The following SLC22A2 variants were observed in gnomAD, a reference collection of about 807,000 sequenced individuals.
SLC22A2 encodes organic cation transporter 2.
SLC22A2 carries 46 observed loss-of-function variants against 60.5 expected under a neutral mutation model. That is an observed-to-expected ratio of 0.76 (90% CI 0.60 to 0.97). The LOEUF (loss-of-function observed/expected upper bound fraction) is 0.97. Ranked by LOEUF, SLC22A2 falls within the 50% of genes least tolerant of loss-of-function variation. SLC22A2 has a pLI of 0.00. For synonymous variants in SLC22A2, 303 were observed against 267.0 expected (o/e 1.13, Z -1.31); for missense variants, 701 against 706.6 (o/e 0.99, Z 0.09).
At chr6:160,247,336 A>G in intron 4 of SLC22A2, 38 bp from the exon 5 acceptor site, 1 of 1,064,324 alleles carries the variant, frequency 9.4e-7, no homozygotes, top group Non-Finnish European at 1.5e-6. Flanking sequence ...CTCTTACTGA[A>G]TCCTCCTTAC....
chr6:160,233,096 C>G (rs939303694), intron 9 of SLC22A2, among the ~76,000 whole-genome samples: 35 of 152,032 alleles, frequency 2.3e-4, no homozygotes, highest in African/African-American at 6.8e-4. Context: ...CTCAGGCCCC[C>G]TCCCTTCTCT....
intron 10 of SLC22A2, among the ~76,000 whole-genome samples, chr6:160,221,236 C>T (rs147973153): frequency 2.6e-5 from 4 of 152,350 alleles, no homozygotes; most frequent in African/African-American, 4.8e-5. Context: ...ATGGAGATGG[C>T]TTCTTTCCTT....
In SLC22A2 at chr6:160,217,210, G is replaced by A; in HGVS notation, c.*222C>T. The A allele has an allele frequency of 2.6e-6, 1 of 390,744 alleles. No individual in the cohort carries two copies. 24.2% of individuals were successfully genotyped at this position (390,744 alleles called of 1,614,324 possible). On this transcript the variant is annotated 3_prime_UTR_variant, in exon 11 of 11. Transcript: ENST00000366953. ...AGAAAACCAATGTCCAATGTCCTAG[G>A]AATGCTGAGAATAAAGTGAGCTGGA...
intron 2 of SLC22A2, among the ~76,000 whole-genome samples, chr6:160,252,366 A>G (rs1160611758): frequency 2.0e-5 from 3 of 152,352 alleles, no homozygotes; most frequent in Admixed American, 6.5e-5. Flanking sequence ...GATGAGAGGG[A>G]ATATTCATCA....
Position 160,249,382 on chromosome 6 carries a change from T to A in SLC22A2, c.676A>T (p.Thr226Ser), listed in dbSNP as rs1308546393. 8 of 1,612,700 alleles carry A rather than the reference T, an allele frequency of 5.0e-6. No individual in the cohort carries two copies. The highest frequency in any genetic ancestry group is 1.3e-5 in the African/African-American group (1 of 74,878). ...AGWLIGYILI[T>S]EFVGRRYRRT... ...CGATATCTCCGCCCAACAAATTCTG[T>A]AACTGCAGAGAGAATTTGAATGGTT... The change falls in exon 4 of 11, where the codon ACA becomes TCA. Residue 226 changes from threonine to serine, a missense_variant and splice_region_variant. Physicochemically the swap from Thr to Ser is moderately conservative, Grantham distance 58 (BLOSUM62 1). Coordinates refer to ENST00000366953, the MANE Select transcript of SLC22A2 (RefSeq NM_003058.4).
chr6:160,247,054 T>C, intron 5 of SLC22A2, 130 bp downstream of exon 5: 2 of 609,748 alleles, frequency 3.3e-6, no homozygotes, highest in East Asian at 2.8e-5. Context: ...TGCATTCCGC[T>C]ACAGGTAAGC....
intron 4 of SLC22A2, among the ~76,000 whole-genome samples, chr6:160,248,081 A>T (rs1783124734): frequency 6.6e-6 from 1 of 152,224 alleles, no homozygotes; most frequent in South Asian, 2.1e-4. Flanking sequence ...CTCAGGGTAT[A>T]ATGGACTGAA....
In SLC22A2 at chr6:160,250,786, C is replaced by A. The variant is rs115067803; in HGVS notation, c.519-84G>T. The A allele has an allele frequency of 8.0e-5, 113 of 1,405,900 alleles. No individual in the cohort carries two copies. In the African/African-American group the frequency reaches 1.5e-3, roughly 19 times the overall value. 87.1% of individuals were successfully genotyped at this position (1,405,900 alleles called of 1,614,324 possible). On this transcript the variant is annotated intron_variant, in intron 2 of 10. Transcript: ENST00000366953. ...GAAAATGCATGGAAGTTATGGAAAT[C>A]TAAACAAAGTTAGAGGTTAACTTTA... is the stretch of plus-strand genomic sequence containing the variant.
At chr6:160,240,883 T>C (rs1782987050) in intron 9 of SLC22A2, among the ~76,000 whole-genome samples, 1 of 152,200 alleles carries the variant, frequency 6.6e-6, no homozygotes, top group East Asian at 1.9e-4. Flanking sequence ...CTGCTGGCAG[T>C]AGCAGAAGGG....
At chr6:160,251,598 G>T (rs901944626) in intron 2 of SLC22A2, among the ~76,000 whole-genome samples, 1 of 152,070 alleles carries the variant, frequency 6.6e-6, no homozygotes, top group African/African-American at 2.4e-5. Flanking sequence ...TTTTCGCCAT[G>T]TCCTGGTTTG....
chr6:160,243,512 C>T (rs920124788), intron 7 of SLC22A2, 60 bp downstream of exon 7: 52 of 1,213,016 alleles, frequency 4.3e-5, no homozygotes, highest in East Asian at 3.0e-4. Flanking sequence ...ATCAATGGGC[C>T]GTGACACTCC....
chr6:160,232,564 A>T (rs1392783844), intron 9 of SLC22A2, among the ~76,000 whole-genome samples: 1 of 93,140 alleles, frequency 1.1e-5, no homozygotes, highest in African/African-American at 3.0e-5. Context: ...TCCATCATTA[A>T]TGCCTCTTTA....
chr6:160,235,272 T>G (rs536684606), intron 9 of SLC22A2, among the ~76,000 whole-genome samples: 1 of 151,964 alleles, frequency 6.6e-6, no homozygotes, highest in African/African-American at 2.4e-5. Context: ...GATGTGTGAC[T>G]AGGTAGGAAA....
In SLC22A2 at chr6:160,247,280, G is replaced by A; in HGVS notation, c.861C>T (p.Pro287=). ...LLYYWCIPES[P]RWLISQNKNA... ...TCTTATTCTGGGAGATCAGCCACCT[G>A]GGAGACTCAGGTATGCACCTAGGGT... The change falls in exon 5 of 11, where the codon CCC becomes CCT. Residue 287 remains proline (P), a synonymous_variant. Transcript: ENST00000366953. 1 of 1,607,070 alleles carries A rather than the reference G, an allele frequency of 6.2e-7. No homozygotes were observed. The highest frequency in any genetic ancestry group is 8.5e-7 in the Non-Finnish European group (1 of 1,173,626).
In SLC22A2 at chr6:160,243,947, C is replaced by T. The variant is rs374070144; in HGVS notation, c.1065-161G>A. ...TGCTTTTATAATCTCTGATCTACTT[C>T]AGTGGCTGGCTGTGGCTGGGTAGTT... On this transcript the variant is annotated intron_variant, in intron 6 of 10. Transcript: ENST00000366953. Among the ~76,000 whole-genome samples, 184 of 152,314 alleles carry T rather than the reference C, an allele frequency of 1.2e-3. 4 individuals are homozygous for T. Among genetic ancestry groups the T allele is most frequent in the African/African-American group, 4.1e-3 (172 of 41,566 alleles).
chr6:160,256,332 T>C (rs899844973), intron 2 of SLC22A2, among the ~76,000 whole-genome samples: 1 of 152,162 alleles, frequency 6.6e-6, no homozygotes, highest in Admixed American at 6.5e-5. Flanking sequence ...CATCTGTTAC[T>C]CTCCCTTCCG....
intron 1 of SLC22A2, among the ~76,000 whole-genome samples, chr6:160,256,966 T>A (rs558733132): frequency 1.9e-4 from 28 of 150,420 alleles, no homozygotes; most frequent in Non-Finnish European, 2.8e-4. Flanking sequence ...ACAGTGGTGA[T>A]CATGGCTCAC....
rs749727701 is a variant in SLC22A2, at chr6:160,242,291, C to T, written c.1388+3G>A. ...CTCGTCATTCTAAGGAAAATGCACT[C>T]ACCTAATGAATGTGGGGTACAGCTC... On this transcript the variant is annotated splice_donor_region_variant and intron_variant, in intron 8 of 10. Coordinates refer to ENST00000366953, the MANE Select transcript of SLC22A2 (RefSeq NM_003058.4). 1 of 1,504,552 alleles carries T rather than the reference C, an allele frequency of 6.6e-7. No individual in the cohort carries two copies. Among genetic ancestry groups the T allele is most frequent in the Admixed American group, 1.7e-5 (1 of 59,866 alleles). The allele number at this position is 1,504,552 out of a possible 1,614,324, so 93.2% of individuals were successfully genotyped here.
intron 9 of SLC22A2, among the ~76,000 whole-genome samples, chr6:160,232,759 G>A (rs945439920): frequency 6.6e-6 from 1 of 151,772 alleles, no homozygotes; most frequent in African/African-American, 2.4e-5. Flanking sequence ...TGCTGATAAG[G>A]TAGCTAAAAA....
Sources: gnomAD v4.1 joint callset for allele counts (sites outside exome capture counted in the v4.1 genomes callset) on GRCh38, gnomAD v4.1.1 for gene constraint, MANE v1.5 for transcripts, NCBI Gene and HGNC (gene_info 2026-07-23, HGNC 2026-07-21) for gene names.